The following SH3BGRL2 variants were observed in gnomAD, a reference collection of about 807,000 sequenced individuals.
SH3BGRL2 encodes SH3 domain binding glutamate rich protein like 2, also known as SH3 domain-binding glutamic acid-rich-like protein 2.
A neutral mutation model predicts 14.8 loss-of-function variants in SH3BGRL2; 21 were observed. The observed-to-expected ratio is 1.42, with a 90% confidence interval of 1.01 to 2.05. SH3BGRL2 has a LOEUF of 2.05. Ranked by LOEUF, SH3BGRL2 falls within the 30% of genes most tolerant of loss-of-function variation. SH3BGRL2 has a pLI of 0.00. For synonymous variants in SH3BGRL2, 50 were observed against 47.8 expected (o/e 1.05, Z -0.19); for missense variants, 147 against 130.8 (o/e 1.12, Z -0.61).
At chr6:79,614,115 G>A in the SH3BGRL2 span, among the ~76,000 whole-genome samples, 206 of 152,236 alleles carry the variant, frequency 1.4e-3, 6 homozygotes, top group Admixed American at 0.013. Flanking sequence ...GAGCGCCCCC[G>A]CTGTACTGTG....
chr6:79,571,855 A>C, the SH3BGRL2 span, among the ~76,000 whole-genome samples: 1 of 152,124 alleles, frequency 6.6e-6, no homozygotes, highest in East Asian at 1.9e-4. Context: ...TCTCAGCATT[A>C]TGTTTGTGAG....
At chr6:79,595,495 A>G in the SH3BGRL2 span, among the ~76,000 whole-genome samples, 1 of 152,238 alleles carries the variant, frequency 6.6e-6, no homozygotes, top group Non-Finnish European at 1.5e-5. Flanking sequence ...CAGAGAAGAA[A>G]ACAAATGGCC....
intron 1 of SH3BGRL2, among the ~76,000 whole-genome samples, chr6:79,634,279 G>A (rs547384258): frequency 1.3e-5 from 2 of 152,180 alleles, no homozygotes; most frequent in African/African-American, 4.8e-5. Context: ...CTGGCTCCAG[G>A]TGAAGTCAGT....
upstream of SH3BGRL2, among the ~76,000 whole-genome samples, chr6:79,630,517 C>T (rs997226): frequency 0.26 from 38,985 of 152,018 alleles, 5,073 homozygotes; most frequent in East Asian, 0.31. Context: ...ACAGCATCCT[C>T]CTGGGAAACT....
the SH3BGRL2 span, among the ~76,000 whole-genome samples, chr6:79,539,849 G>A: frequency 6.6e-6 from 1 of 152,070 alleles, no homozygotes; most frequent in South Asian, 2.1e-4. Flanking sequence ...ATCTTGGAAA[G>A]CACATAAGTA....
At chr6:79,560,967 G>A in the SH3BGRL2 span, among the ~76,000 whole-genome samples, 5 of 116,730 alleles carry the variant, frequency 4.3e-5, no homozygotes, top group East Asian at 5.9e-4. Flanking sequence ...CACAACCTCC[G>A]CCCCCTGAAT....
At chr6:79,577,849 C>A in the SH3BGRL2 span, among the ~76,000 whole-genome samples, 1 of 152,052 alleles carries the variant, frequency 6.6e-6, no homozygotes, top group Non-Finnish European at 1.5e-5. Context: ...CAAGGGGTTG[C>A]GGGATTTCCC....
At chr6:79,542,189 C>A in the SH3BGRL2 span, among the ~76,000 whole-genome samples, 1 of 152,124 alleles carries the variant, frequency 6.6e-6, no homozygotes, top group African/African-American at 2.4e-5. Flanking sequence ...CCACTTACAC[C>A]AGTGCCAGAG....
At chr6:79,663,320 A>G (rs781265055) in intron 1 of SH3BGRL2, among the ~76,000 whole-genome samples, 3 of 152,060 alleles carry the variant, frequency 2.0e-5, no homozygotes, top group Non-Finnish European at 4.4e-5. Context: ...TGACCTACAA[A>G]TGGTGTTTTT....
At chr6:79,551,156 T>C in the SH3BGRL2 span, among the ~76,000 whole-genome samples, 1 of 152,200 alleles carries the variant, frequency 6.6e-6, no homozygotes, top group African/African-American at 2.4e-5. Flanking sequence ...TTGAAGGACA[T>C]TTTGTTACAT....
At chr6:79,570,664 A>G in the SH3BGRL2 span, among the ~76,000 whole-genome samples, 1 of 152,208 alleles carries the variant, frequency 6.6e-6, no homozygotes, top group African/African-American at 2.4e-5. Context: ...CACCTGTTTC[A>G]AAAGTAACCT....
chr6:79,697,646 T>C (rs1191292045), intron 3 of SH3BGRL2, among the ~76,000 whole-genome samples: 1 of 152,184 alleles, frequency 6.6e-6, no homozygotes, highest in Non-Finnish European at 1.5e-5. Flanking sequence ...TCCATGCACA[T>C]GTTTTAAGCA....
chr6:79,649,974 C>G (rs1405981198), intron 1 of SH3BGRL2, among the ~76,000 whole-genome samples: 1 of 101,670 alleles, frequency 9.8e-6, no homozygotes, highest in Non-Finnish European at 2.1e-5. Flanking sequence ...TGTACTCTCT[C>G]TCTCTCTCTC....
intron 2 of SH3BGRL2, among the ~76,000 whole-genome samples, chr6:79,692,130 G>GT (rs1770232005): frequency 6.6e-6 from 1 of 152,142 alleles, no homozygotes; most frequent in South Asian, 2.1e-4. Context: ...TTTTTCATGA[G>GT]TTTTTTGGCT....
chr6:79,572,915 AT>A, the SH3BGRL2 span, among the ~76,000 whole-genome samples: 1 of 152,190 alleles, frequency 6.6e-6, no homozygotes, highest in Non-Finnish European at 1.5e-5. Context: ...GCCAATATGC[AT>A]TGCAAATGTC....
At chr6:79,577,603 A>T in the SH3BGRL2 span, among the ~76,000 whole-genome samples, 120 of 152,250 alleles carry the variant, frequency 7.9e-4, no homozygotes, top group African/African-American at 2.7e-3. Context: ...AATAAAGACA[A>T]AAAAAATAAA....
intron 2 of SH3BGRL2, among the ~76,000 whole-genome samples, chr6:79,680,107 T>C (rs141545041): frequency 4.7e-4 from 71 of 152,312 alleles, no homozygotes; most frequent in African/African-American, 1.5e-3. Context: ...TTGTCTATTT[T>C]TGCTCTTGTT....
chr6:79,670,055 A>G lies in SH3BGRL2; in HGVS notation c.46-3559A>G, dbSNP rs74422132. ...TGTAACTTCTGAACTCTGCCATTGC[A>G]GGGAGAAAGCAGACATAGACAATAT... On this transcript the variant is annotated intron_variant, in intron 1 of 3. Coordinates refer to ENST00000369838, the MANE Select transcript of SH3BGRL2 (RefSeq NM_031469.4). 7.5e-3 allele frequency among the ~76,000 whole-genome samples: 1,145 copies of G among 152,372 alleles called. 15 individuals carry two copies. Among genetic ancestry groups the G allele is most frequent in the African/African-American group, 0.026 (1,094 of 41,596 alleles).
At chr6:79,656,146 A>G (rs576932869) in intron 1 of SH3BGRL2, among the ~76,000 whole-genome samples, 3 of 152,394 alleles carry the variant, frequency 2.0e-5, no homozygotes, top group African/African-American at 7.2e-5. Context: ...AAATCTAGCT[A>G]GAAGAAAATG....
Sources: allele counts gnomAD v4.1 joint callset (sites outside exome capture counted in the v4.1 genomes callset), GRCh38; gene constraint gnomAD v4.1.1; transcripts MANE v1.5; gene names NCBI Gene and HGNC (gene_info 2026-07-23, HGNC 2026-07-21).